The following ODR4 variants were observed in gnomAD, a reference collection of about 807,000 sequenced individuals.
ODR4 encodes protein odr-4 homolog.
Under a neutral mutation model 60.2 loss-of-function variants are expected in ODR4, and 47 were observed. The observed-to-expected ratio is 0.78, with a 90% CI of 0.62 to 1.00. The LOEUF (loss-of-function observed/expected upper bound fraction) is 1.00. Ranked by LOEUF, ODR4 falls within the 50% of genes least tolerant of loss-of-function variation. The pLI is 0.00. For synonymous variants in ODR4, 178 were observed against 175.5 expected (o/e 1.01, Z -0.11); for missense variants, 488 against 530.8 (o/e 0.92, Z 0.79).
At chr1:186,383,272 A>G in intron 3 of ODR4, 116 bp downstream of exon 3, 1 of 1,179,134 alleles carries the variant, frequency 8.5e-7, no homozygotes, top group South Asian at 1.7e-5. Context: ...GCTAAAGATG[A>G]CTGAGATTTT....
chr1:186,398,430 G>T lies in ODR4; in HGVS notation c.898G>T (p.Asp300Tyr), dbSNP rs757716381. Residue 300 changes from aspartate to tyrosine, a missense_variant, in exon 10 of 14, where the codon GAT (aspartate) becomes TAT (tyrosine). By Grantham distance (160) the Asp-to-Tyr change is radical (BLOSUM62 -3). Transcript: ENST00000287859. ...CCACAGCAGTAAACCCAAAGTTAAA[G>T]ATGCTGTGCAGGTACAAAAAGGAAT... Reference protein sequence around the residue: ...YIHSSKPKVKDAVQAVKRDIL... With the variant: ...YIHSSKPKVKYAVQAVKRDIL... The T allele has an allele frequency of 6.2e-7, 1 of 1,605,562 alleles. No individual in the cohort carries two copies. The highest frequency in any genetic ancestry group is 2.2e-5 in the East Asian group (1 of 44,462).
rs879338626 is a variant in ODR4 at position 186,396,760 on chromosome 1, T to TAGATAGATAG, written c.781-1552_781-1551insGATAGATAGA. Among the ~76,000 whole-genome samples the TAGATAGATAG allele has an allele frequency of 2.2e-3, 252 of 117,140 alleles. 1 individual carries two copies. The highest frequency in any genetic ancestry group is 6.7e-3 in the African/African-American group (206 of 30,542). 76.8% of individuals were successfully genotyped at this position (117,140 alleles called of 152,430 possible). A position where few individuals can be genotyped will look rare whatever the true frequency, so the allele number is the denominator to read the frequency against. ...AGATAGATAGATAGATAGATAGATA[T>TAGATAGATAG]ATGTATATACACACATACACATATA... On this transcript the variant is annotated intron_variant, in intron 9 of 13. Coordinates refer to ENST00000287859, the MANE Select transcript of ODR4 (RefSeq NM_017847.6).
In ODR4 at chr1:186,420,840, GAT is replaced by G. The variant is rs1299127035; in HGVS notation, c.*1766_*1767del. On this transcript the variant is annotated 3_prime_UTR_variant, in exon 14 of 14. Coordinates refer to ENST00000287859, the MANE Select transcript of ODR4 (RefSeq NM_017847.6). ...AATAAAGGAGAGGCAGTACTTGAAA[GAT>G]AACACAATTTTACAAATTTGTTGGA... is the stretch of plus-strand genomic sequence containing the variant. The G allele has an allele frequency of 6.6e-6, 1 of 152,116 alleles. No individual in the cohort carries two copies. The highest frequency in any genetic ancestry group is 2.4e-5 in the African/African-American group (1 of 41,422). The allele number at this position is 152,116 out of a possible 1,614,324, so 9.4% of individuals were successfully genotyped here. A position where few individuals can be genotyped will look rare whatever the true frequency, so the allele number is the denominator to read the frequency against.
chr1:186,390,922 G>T, intron 7 of ODR4, 71 bp downstream of exon 7: 1 of 1,401,160 alleles, frequency 7.1e-7, no homozygotes, highest in Admixed American at 2.2e-5. Flanking sequence ...GCTTACATGT[G>T]TCATTCATTT....
intron 12 of ODR4, among the ~76,000 whole-genome samples, chr1:186,409,156 G>A (rs1427463873): frequency 6.6e-6 from 1 of 150,422 alleles, no homozygotes; most frequent in African/African-American, 2.5e-5. Context: ...TTACACCACT[G>A]CCGTTCAGCC....
chr1:186,406,378 GTT>G (rs1425580434), intron 12 of ODR4, 110 bp downstream of exon 12: 1 of 704,440 alleles, frequency 1.4e-6, no homozygotes, highest in African/African-American at 1.8e-5. Context: ...AGCTAGTTCT[GTT>G]TGACACTTCG....
At chr1:186,378,195 G>A (rs775953201) in intron 1 of ODR4, among the ~76,000 whole-genome samples, 4 of 152,148 alleles carry the variant, frequency 2.6e-5, no homozygotes, top group South Asian at 2.1e-4. Flanking sequence ...ATGCAAAACC[G>A]TTTTGTGACT....
At chr1:186,417,440 G>A in intron 12 of ODR4, 104 bp from the exon 13 acceptor site, 1 of 693,714 alleles carries the variant, frequency 1.4e-6, no homozygotes. Context: ...CAAGTAGAAA[G>A]AAAATGGTGA....
chr1:186,413,814 T>A (rs573313991), intron 12 of ODR4, among the ~76,000 whole-genome samples: 2 of 152,334 alleles, frequency 1.3e-5, no homozygotes, highest in African/African-American at 4.8e-5. Flanking sequence ...GTCTTAACAT[T>A]TCATTTTAAG....
At chr1:186,393,431 CA>C (rs1660544225) in intron 8 of ODR4, among the ~76,000 whole-genome samples, 1 of 152,224 alleles carries the variant, frequency 6.6e-6, no homozygotes, top group Admixed American at 6.5e-5. Flanking sequence ...GATGACAGTT[CA>C]AAAGCTATGG....
At chr1:186,428,692 A>AAGT in the ODR4 span, among the ~76,000 whole-genome samples, 1 of 152,180 alleles carries the variant, frequency 6.6e-6, no homozygotes. Context: ...TTTTGGTTTA[A>AAGT]AGTGAGAGAC....
chr1:186,382,952 T>A (rs1472697335), intron 2 of ODR4, 70 bp from the exon 3 acceptor site: 13 of 1,456,250 alleles, frequency 8.9e-6, no homozygotes, highest in Non-Finnish European at 9.2e-6. Flanking sequence ...GCTAAGGAAT[T>A]TAGGTATCAC....
At chr1:186,418,888 TTGTG>T (rs1661686014) in intron 13 of ODR4, 117 bp from the exon 14 acceptor site, 1 of 752,256 alleles carries the variant, frequency 1.3e-6, no homozygotes, top group African/African-American at 1.7e-5. Context: ...CTATGTATGA[TTGTG>T]TGTTTGTGTA....
chr1:186,393,855 A>G, intron 8 of ODR4, 92 bp from the exon 9 acceptor site: 1 of 674,618 alleles, frequency 1.5e-6, no homozygotes, highest in South Asian at 1.9e-5. Context: ...GTTTTTTTCT[A>G]AGTTACTTAG....
intron 1 of ODR4, among the ~76,000 whole-genome samples, chr1:186,377,365 T>A (rs893824710): frequency 8.5e-5 from 13 of 152,194 alleles, no homozygotes; most frequent in African/African-American, 3.1e-4. Flanking sequence ...CATTTAAAAA[T>A]TTTGAAAGAG....
the ODR4 span, among the ~76,000 whole-genome samples, chr1:186,429,005 G>A: frequency 2.6e-5 from 4 of 152,116 alleles, no homozygotes; most frequent in Non-Finnish European, 1.5e-5. Flanking sequence ...GCACTTTGGC[G>A]AGTAAATCAC....
chr1:186,394,769 T>C (rs1660606683), intron 9 of ODR4, among the ~76,000 whole-genome samples: 1 of 152,226 alleles, frequency 6.6e-6, no homozygotes. Flanking sequence ...CTTCTTTTTC[T>C]GTGTGTAGCA....
chr1:186,425,524 A>T (rs1661867403), downstream of ODR4, among the ~76,000 whole-genome samples: 1 of 152,122 alleles, frequency 6.6e-6, no homozygotes, highest in Non-Finnish European at 1.5e-5. Context: ...ATTCTTTTCC[A>T]TGACTTTTCC....
In ODR4 at chr1:186,419,158, G is replaced by A; in HGVS notation, c.*82G>A. On this transcript the variant is annotated 3_prime_UTR_variant, in exon 14 of 14. Transcript: ENST00000287859. Reference sequence around the variant, plus strand: ...TAATAAAGATGTTAACAATCCATCTGTATTTAAAACACTAGCAGCCAGATC... The same window carrying A: ...TAATAAAGATGTTAACAATCCATCTATATTTAAAACACTAGCAGCCAGATC... 7.9e-7 allele frequency: 1 copy of A among 1,263,340 alleles called. No individual in the cohort carries two copies. The highest frequency in any genetic ancestry group is 1.1e-6 in the Non-Finnish European group (1 of 887,962). 78.3% of individuals were successfully genotyped at this position (1,263,340 alleles called of 1,614,324 possible). A position where few individuals can be genotyped will look rare whatever the true frequency, so the allele number is the denominator to read the frequency against.
Sources: gnomAD v4.1 joint callset for allele counts (sites outside exome capture counted in the v4.1 genomes callset) on GRCh38, gnomAD v4.1.1 for gene constraint, MANE v1.5 for transcripts, NCBI Gene and HGNC (gene_info 2026-07-23, HGNC 2026-07-21) for gene names.